The following TNPO1 variants were observed in gnomAD, a reference collection of about 807,000 sequenced individuals.
The protein encoded by TNPO1 is transportin 1.
In TNPO1, 8 loss-of-function variants were observed where a neutral mutation model predicts 119.5. The observed-to-expected ratio is 0.07, with a 90% CI of 0.04 to 0.12. The LOEUF is 0.12. Among genes scored for constraint, TNPO1 ranks in the 10% least tolerant of loss-of-function variants. TNPO1 has a pLI of 1.00. For missense variants in TNPO1, 576 were observed against 1,089.8 expected (o/e 0.53, Z 6.64); for synonymous variants, 362 against 363.0 (o/e 1.00, Z 0.03).
At chr5:72,875,181 G>A (rs1309824568) in intron 7 of TNPO1, among the ~76,000 whole-genome samples, 1 of 152,098 alleles carries the variant, frequency 6.6e-6, no homozygotes, top group Non-Finnish European at 1.5e-5. Flanking sequence ...TCAGTTTAGG[G>A]TTAAGTTAGA....
At chr5:72,872,224 A>G (rs889941525) in intron 6 of TNPO1, among the ~76,000 whole-genome samples, 3 of 152,230 alleles carry the variant, frequency 2.0e-5, no homozygotes, top group Non-Finnish European at 2.9e-5. Context: ...GTTGGTGTCA[A>G]TAAGAACTGC....
intron 13 of TNPO1, among the ~76,000 whole-genome samples, chr5:72,889,337 C>T (rs1194419351): frequency 6.6e-6 from 1 of 152,272 alleles, no homozygotes; most frequent in Middle Eastern, 3.4e-3. Flanking sequence ...GGATTGCAGG[C>T]GTGAGCCACC....
intron 23 of TNPO1, 35 bp from the exon 24 acceptor site, chr5:72,905,268 G>C: frequency 6.7e-7 from 1 of 1,484,406 alleles, no homozygotes; most frequent in Non-Finnish European, 9.3e-7. Flanking sequence ...TTTTTCTCTT[G>C]TTATTGATAA....
chr5:72,852,754 T>C (rs1745680658), intron 3 of TNPO1, among the ~76,000 whole-genome samples: 1 of 152,212 alleles, frequency 6.6e-6, no homozygotes, highest in African/African-American at 2.4e-5. Flanking sequence ...TTATTTTCAG[T>C]TGATTTTGTA....
At chr5:72,824,068 C>T (rs554039055) in intron 1 of TNPO1, among the ~76,000 whole-genome samples, 6 of 152,282 alleles carry the variant, frequency 3.9e-5, no homozygotes, top group East Asian at 3.9e-4. Context: ...AAAGGGTCTG[C>T]GCAGCATCTG....
intron 1 of TNPO1, among the ~76,000 whole-genome samples, chr5:72,843,745 C>G (rs971940906): frequency 5.9e-5 from 9 of 152,102 alleles, no homozygotes; most frequent in Non-Finnish European, 4.4e-5. Context: ...CATAGTGATT[C>G]AGCATATAGA....
At chr5:72,840,875 T>A (rs1744881200) in intron 1 of TNPO1, among the ~76,000 whole-genome samples, 1 of 152,224 alleles carries the variant, frequency 6.6e-6, no homozygotes, top group African/African-American at 2.4e-5. Context: ...AACTTTGTAA[T>A]GCCAGAAAGT....
intron 15 of TNPO1, among the ~76,000 whole-genome samples, 190 bp from the exon 16 acceptor site, chr5:72,892,949 G>A (rs895359733): frequency 7.2e-6 from 1 of 139,376 alleles, no homozygotes; most frequent in South Asian, 2.4e-4. Flanking sequence ...GACCTGATTG[G>A]CTGGCAAACT....
At chr5:72,846,085 G>A (rs1397311120) in intron 1 of TNPO1, among the ~76,000 whole-genome samples, 2 of 152,224 alleles carry the variant, frequency 1.3e-5, no homozygotes, top group African/African-American at 2.4e-5. Flanking sequence ...TATTGTTGGC[G>A]TGTGTGAATT....
chr5:72,891,317 T>C, intron 14 of TNPO1, among the ~76,000 whole-genome samples: 1 of 151,892 alleles, frequency 6.6e-6, no homozygotes, highest in Non-Finnish European at 1.5e-5. Context: ...TACAAAAAAT[T>C]AGCCGGGTGT....
intron 2 of TNPO1, among the ~76,000 whole-genome samples, chr5:72,849,235 C>T (rs960047176): frequency 1.3e-5 from 2 of 152,270 alleles, no homozygotes; most frequent in East Asian, 3.9e-4. Flanking sequence ...GATCCTGTTG[C>T]TACGGTTTTA....
chr5:72,874,401 TTGA>T (rs1747620082), intron 7 of TNPO1, among the ~76,000 whole-genome samples: 2 of 152,168 alleles, frequency 1.3e-5, no homozygotes, highest in African/African-American at 4.8e-5. Flanking sequence ...TGGGTATTCA[TTGA>T]CAGTAGTAAC....
At chr5:72,863,774 G>A (rs1746664955) in intron 5 of TNPO1, among the ~76,000 whole-genome samples, 1 of 150,158 alleles carries the variant, frequency 6.7e-6, no homozygotes, top group Middle Eastern at 3.5e-3. Context: ...GAAATACACT[G>A]ATAAGATTAC....
intron 9 of TNPO1, among the ~76,000 whole-genome samples, chr5:72,881,368 T>C (rs558219757): frequency 4.6e-5 from 7 of 152,122 alleles, no homozygotes; most frequent in Non-Finnish European, 1.0e-4. Context: ...CTCGACCTAA[T>C]CTGATTCTTT....
chr5:72,858,326 A>G (rs1180750286), intron 4 of TNPO1, among the ~76,000 whole-genome samples: 1 of 152,192 alleles, frequency 6.6e-6, no homozygotes, highest in Non-Finnish European at 1.5e-5. Context: ...TTATATATGT[A>G]TGTGAAATTT....
intron 4 of TNPO1, among the ~76,000 whole-genome samples, chr5:72,857,222 G>A (rs540145000): frequency 2.6e-5 from 4 of 151,964 alleles, no homozygotes; most frequent in Non-Finnish European, 5.9e-5. Context: ...GGAGCCTGAG[G>A]CAGGAAAATT....
intron 4 of TNPO1, among the ~76,000 whole-genome samples, chr5:72,857,866 C>T (rs950566013): frequency 3.3e-5 from 5 of 152,124 alleles, no homozygotes; most frequent in African/African-American, 1.2e-4. Context: ...GTACTTTCAC[C>T]TTCCATAAGG....
intron 1 of TNPO1, among the ~76,000 whole-genome samples, chr5:72,832,821 C>A (rs1744533822): frequency 6.6e-6 from 1 of 152,068 alleles, no homozygotes; most frequent in South Asian, 2.1e-4. Context: ...ATTCTGTTGT[C>A]CGTAAAGAGG....
chr5:72,817,473 G>A (rs1188325825), intron 1 of TNPO1, among the ~76,000 whole-genome samples: 1 of 152,216 alleles, frequency 6.6e-6, no homozygotes, highest in Non-Finnish European at 1.5e-5. Context: ...CTTTAAAAAT[G>A]ATCGCGTGTT....
Sources: allele counts gnomAD v4.1 joint callset (sites outside exome capture counted in the v4.1 genomes callset), GRCh38; gene constraint gnomAD v4.1.1; transcripts MANE v1.5; gene names NCBI Gene and HGNC (gene_info 2026-07-23, HGNC 2026-07-21).